The following WDR93 variants were observed in gnomAD, a reference collection of about 807,000 sequenced individuals.
The protein encoded by WDR93 is WD repeat domain 93.
A neutral mutation model predicts 82.9 loss-of-function variants in WDR93; 73 were observed. The observed-to-expected ratio is 0.88, with a 90% CI of 0.73 to 1.07. WDR93 has a LOEUF of 1.07. Ranked by LOEUF, WDR93 falls within the 50% of genes least tolerant of loss-of-function variation. The pLI, the probability that WDR93 is intolerant of heterozygous loss-of-function variation, is 0.00. For synonymous variants in WDR93, 283 were observed against 300.1 expected (o/e 0.94, Z 0.59); for missense variants, 738 against 826.0 (o/e 0.89, Z 1.31).
At chr15:89,694,683 G>A (rs751882999) in intron 1 of WDR93, among the ~76,000 whole-genome samples, 1 of 152,182 alleles carries the variant, frequency 6.6e-6, no homozygotes, top group Non-Finnish European at 1.5e-5. Context: ...AGAAACACAA[G>A]TTTATTTTTG....
chr15:89,741,767 T>C (rs1967690320), intron 16 of WDR93, among the ~76,000 whole-genome samples: 1 of 152,100 alleles, frequency 6.6e-6, no homozygotes, highest in African/African-American at 2.4e-5. Context: ...TACTTTTTTT[T>C]TTTGAGATGG....
chr15:89,729,075 G>C lies in WDR93; in HGVS notation c.1105G>C (p.Glu369Gln). 1 of 1,614,076 alleles carries C rather than the reference G, an allele frequency of 6.2e-7. No homozygotes were observed. The highest frequency in any genetic ancestry group is 8.5e-7 in the Non-Finnish European group (1 of 1,179,994). The stretch of plus-strand genomic sequence containing the variant: ...TAGCTGCCTATTTGCAATGCCACCG[G>C]AAGTCAAGGGCCCCTCAGGTAAATG... ...LPSCLFAMPP[E>Q]VKGPSGMACV... The change falls in exon 10 of 17, where the codon GAA (glutamate) becomes CAA (glutamine). Residue 369 changes from glutamate (E) to glutamine (Q), a missense_variant. Coordinates refer to ENST00000268130, the MANE Select transcript of WDR93 (RefSeq NM_020212.2).
At chr15:89,702,543 T>TG (rs910517607) in intron 2 of WDR93, among the ~76,000 whole-genome samples, 9 of 76,626 alleles carry the variant, frequency 1.2e-4, no homozygotes, top group African/African-American at 5.9e-4. Context: ...TGTTGTTTTT[T>TG]GGGGTTTTTT....
At chr15:89,703,850 C>T (rs1465624631) in intron 3 of WDR93, 2 of 152,334 alleles carry the variant, frequency 1.3e-5, no homozygotes, top group Admixed American at 1.3e-4. Flanking sequence ...AGACCTCAGG[C>T]TCTGCTCAAC....
intron 3 of WDR93, chr15:89,705,144 G>C (rs11073887): frequency 0.42 from 75,890 of 180,820 alleles, 16,563 homozygotes; most frequent in African/African-American, 0.47. Flanking sequence ...ATGGAACAGT[G>C]AGCTATGATC....
At chr15:89,714,622 C>G (rs561732401) in intron 5 of WDR93, among the ~76,000 whole-genome samples, 1 of 152,094 alleles carries the variant, frequency 6.6e-6, no homozygotes, top group Admixed American at 6.6e-5. Flanking sequence ...ATGCCCGGCC[C>G]CATATTTTTT....
intron 8 of WDR93, among the ~76,000 whole-genome samples, chr15:89,724,558 A>G (rs1481527765): frequency 6.6e-6 from 1 of 152,216 alleles, no homozygotes; most frequent in Non-Finnish European, 1.5e-5. Context: ...CAAAACACAT[A>G]AAACCCACTA....
At chr15:89,695,274 C>T (rs1254836376) in intron 1 of WDR93, among the ~76,000 whole-genome samples, 1 of 152,156 alleles carries the variant, frequency 6.6e-6, no homozygotes, top group Non-Finnish European at 1.5e-5. Context: ...AGGTATCACA[C>T]TCTCCATTTA....
At chr15:89,728,045 C>T (rs1426551836) in intron 9 of WDR93, among the ~76,000 whole-genome samples, 1 of 151,988 alleles carries the variant, frequency 6.6e-6, no homozygotes, top group Admixed American at 6.6e-5. Flanking sequence ...CACGCCACTG[C>T]ACTGTAGCTT....
At position 89,691,038 on chromosome 15, in the gene WDR93, C is replaced by T. The variant is rs113048180; in HGVS notation, c.-41+181C>T. Among the ~76,000 whole-genome samples, 1,135 of 152,206 alleles carry T rather than the reference C, an allele frequency of 7.5e-3. 3 individuals carry two copies. The highest frequency in any genetic ancestry group is 0.014 in the South Asian group (67 of 4,818). ...GTTCTCAGGAACCCGGGGTGATATC[C>T]CGAATGGTCTCTCCAGCCTCAGAAC... On this transcript the variant is annotated intron_variant, in intron 1 of 16. Transcript: ENST00000268130.
intron 1 of WDR93, among the ~76,000 whole-genome samples, chr15:89,695,567 G>A (rs1965127358): frequency 1.3e-5 from 2 of 152,246 alleles, no homozygotes; most frequent in African/African-American, 2.4e-5. Context: ...TGATACTGTT[G>A]TAAATGGTAT....
At position 89,722,208 on chromosome 15, in the gene WDR93, T is replaced by C. The variant is rs2082433153; in HGVS notation, c.880+69T>C. The C allele has an allele frequency of 3.3e-6, 4 of 1,229,272 alleles. No homozygotes were observed. In the Admixed American group the frequency reaches 9.9e-5, roughly 30 times the overall value. 76.1% of individuals were successfully genotyped at this position (1,229,272 alleles called of 1,614,324 possible). On this transcript the variant is annotated intron_variant, in intron 8 of 16. Coordinates refer to ENST00000268130, the MANE Select transcript of WDR93 (RefSeq NM_020212.2). ...TGTTCTTTCTTCCTTTCCCCATGTCTTATCTTTTCAACTTATTAGCAACGA... is the reference window on the plus strand; with the variant it reads ...TGTTCTTTCTTCCTTTCCCCATGTCCTATCTTTTCAACTTATTAGCAACGA...
intron 1 of WDR93, among the ~76,000 whole-genome samples, chr15:89,701,441 C>G (rs1434473872): frequency 6.6e-6 from 1 of 152,166 alleles, no homozygotes; most frequent in Non-Finnish European, 1.5e-5. Flanking sequence ...GACATCTGCC[C>G]TCCTATCAAC....
rs187769570 is a variant in WDR93, at chr15:89,717,125, T to C, written c.795+176T>C. Among the ~76,000 whole-genome samples, 191 of 142,242 alleles carry C rather than the reference T, an allele frequency of 1.3e-3. 1 individual carries two copies. Among genetic ancestry groups the C allele is most frequent in the African/African-American group, 4.7e-3 (179 of 37,754 alleles). 93.3% of individuals were successfully genotyped at this position (142,242 alleles called of 152,430 possible). A position where few individuals can be genotyped will look rare whatever the true frequency, so the allele number is the denominator to read the frequency against. On this transcript the variant is annotated intron_variant, in intron 7 of 16. Transcript: ENST00000268130. ...CTCAGGCTGGAGTGCAATGGAGCGATCTTGGCTCATCGCAACTTCTGCCCC... is the reference window on the plus strand; with the variant it reads ...CTCAGGCTGGAGTGCAATGGAGCGACCTTGGCTCATCGCAACTTCTGCCCC...
At chr15:89,701,236 G>A (rs1355972311) in intron 1 of WDR93, among the ~76,000 whole-genome samples, 1 of 152,078 alleles carries the variant, frequency 6.6e-6, no homozygotes, top group African/African-American at 2.4e-5. Context: ...CAGCGGGAAA[G>A]GAGAAAAGGG....
intron 7 of WDR93, among the ~76,000 whole-genome samples, chr15:89,717,179 C>T (rs1338459271): frequency 1.3e-5 from 2 of 151,058 alleles, no homozygotes; most frequent in African/African-American, 4.9e-5. Context: ...CCTGCCTCAG[C>T]CTCCTGAGTA....
chr15:89,715,241 A>C, intron 6 of WDR93, 146 bp downstream of exon 6: 1 of 644,830 alleles, frequency 1.6e-6, no homozygotes, highest in Non-Finnish European at 2.6e-6. Flanking sequence ...TCCCAAGTCA[A>C]TTTCCTTTGG....
intron 1 of WDR93, among the ~76,000 whole-genome samples, chr15:89,696,351 A>G (rs1373154976): frequency 6.6e-6 from 1 of 152,176 alleles, no homozygotes; most frequent in Non-Finnish European, 1.5e-5. Context: ...TATTATATGG[A>G]TATACCACAG....
rs776549113 is a variant in WDR93, at chr15:89,701,973, A to G, written c.227A>G (p.Glu76Gly). The change falls in exon 2 of 17, where the codon GAA (glutamate) becomes GGA (glycine). Residue 76 changes from glutamate to glycine, a missense_variant. Glu to Gly is a moderately conservative substitution (Grantham distance 98). Transcript: ENST00000268130. ...TTTGACCAGTCTTGGGAAATTATTG[A>G]AGAGAGAAACGCACTGAGGGAAGCT... ...LLFDQSWEIIEERNALREAES... is the reference protein window; with the variant it reads ...LLFDQSWEIIGERNALREAES... 3 of 1,613,730 alleles carry G rather than the reference A, an allele frequency of 1.9e-6. No individual in the cohort carries two copies. In the African/African-American group the frequency reaches 4.0e-5, roughly 22 times the overall value.
Sources: gnomAD v4.1 joint callset for allele counts (sites outside exome capture counted in the v4.1 genomes callset) on GRCh38, gnomAD v4.1.1 for gene constraint, MANE v1.5 for transcripts, NCBI Gene and HGNC (gene_info 2026-07-23, HGNC 2026-07-21) for gene names.